SNRPF: variants seen among roughly 807,000 people sequenced by gnomAD.
SNRPF encodes the protein small nuclear ribonucleoprotein polypeptide F.
SNRPF carries 1 observed loss-of-function variant against 13.4 expected under a neutral mutation model. The ratio of observed to expected loss-of-function variants is 0.07; its 90% CI spans 0.03 to 0.35. The LOEUF is 0.35. Among genes scored for constraint, SNRPF ranks in the 10% least tolerant of loss-of-function variants. SNRPF has a pLI of 0.99. For synonymous variants in SNRPF, 27 were observed against 32.1 expected (o/e 0.84, Z 0.54); for missense variants, 53 against 101.0 (o/e 0.52, Z 2.04).
chr12:95,865,303 T>C, intron 2 of SNRPF, 21 bp from the exon 3 acceptor site: 1 of 1,244,808 alleles, frequency 8.0e-7, no homozygotes, highest in Non-Finnish European at 1.2e-6. Context: ...ATTATACTAA[T>C]ATATTTCTTT....
chr12:95,861,148 C>A lies in SNRPF; in HGVS notation c.4-20C>A. 2 of 1,590,618 alleles carry A rather than the reference C, an allele frequency of 1.3e-6. No individual in the cohort carries two copies. ...GGGAGGAAAAATAATTAATTAGATC[C>A]TTTTTTGTTCTTTGTGCAGAGTTTA... On this transcript the variant is annotated intron_variant, in intron 1 of 3. Transcript: ENST00000266735.
intron 2 of SNRPF, 77 bp from the exon 3 acceptor site, chr12:95,865,247 T>A (rs1287140898): frequency 4.5e-6 from 3 of 672,862 alleles, no homozygotes; most frequent in Non-Finnish European, 7.9e-6. Context: ...AGTTAATGAG[T>A]TCTCTCACCA....
intron 1 of SNRPF, among the ~76,000 whole-genome samples, chr12:95,859,443 T>C (rs2079483251): frequency 6.6e-6 from 1 of 152,180 alleles, no homozygotes; most frequent in African/African-American, 2.4e-5. Context: ...ATTAACTCAC[T>C]TGGGTGGGGA....
chr12:95,865,631 A>G (rs994173664), intron 3 of SNRPF, among the ~76,000 whole-genome samples: 23 of 152,284 alleles, frequency 1.5e-4, no homozygotes, highest in Middle Eastern at 3.4e-3. Context: ...GCTCTTAGCT[A>G]TAATCTTTTG....
At chr12:95,865,649 A>G (rs148170314) in intron 3 of SNRPF, among the ~76,000 whole-genome samples, 1 of 152,246 alleles carries the variant, frequency 6.6e-6, no homozygotes, top group Non-Finnish European at 1.5e-5. Context: ...TTGCAGTGGC[A>G]ACCTTTTGCA....
At position 95,861,222 on chromosome 12, in the gene SNRPF, A is replaced by G; in HGVS notation, c.58A>G (p.Met20Val). 1.9e-6 allele frequency: 3 copies of G among 1,612,602 alleles called. No individual in the cohort carries two copies. The highest frequency in any genetic ancestry group is 2.5e-6 in the Non-Finnish European group (3 of 1,179,060). Residue 20 changes from methionine to valine, a missense_variant, in exon 2 of 4, where the codon ATG (methionine) becomes GTG (valine). Transcript: ENST00000266735. ...CAATGGACTAACAGGAAAGCCAGTG[A>G]TGGTGAAACTTAAGTGGGGAATGGA... Reference protein sequence around the residue: ...FLNGLTGKPVMVKLKWGMEYK... With the variant: ...FLNGLTGKPVVVKLKWGMEYK...
At chr12:95,862,109 G>C (rs1565936946) in intron 2 of SNRPF, among the ~76,000 whole-genome samples, 1 of 152,176 alleles carries the variant, frequency 6.6e-6, no homozygotes, top group Non-Finnish European at 1.5e-5. Context: ...CCTCATGTAA[G>C]TGGAATTGTG....
chr12:95,860,433 C>T (rs1202388511), intron 1 of SNRPF, among the ~76,000 whole-genome samples: 1 of 152,154 alleles, frequency 6.6e-6, no homozygotes, highest in East Asian at 1.9e-4. Context: ...TTTCCTTTTT[C>T]CCCTGGATTG....
At position 95,865,445 on chromosome 12, in the gene SNRPF, T is replaced by G. The variant is rs1364580898; in HGVS notation, c.194+57T>G. 9 of 755,758 alleles carry G rather than the reference T, an allele frequency of 1.2e-5. No individual in the cohort carries two copies. The Admixed American group carries it at 1.9e-4, about 16-fold the overall frequency. 46.8% of individuals were successfully genotyped at this position (755,758 alleles called of 1,614,324 possible). A position where few individuals can be genotyped will look rare whatever the true frequency, so the allele number is the denominator to read the frequency against. ...TACTGGTGAGCATTAGGAATACCTG[T>G]TCTAAATATATTAGTGCCTCAATTT... On this transcript the variant is annotated intron_variant, in intron 3 of 3. Coordinates refer to ENST00000266735, the MANE Select transcript of SNRPF (RefSeq NM_003095.5).
chr12:95,864,306 A>G (rs1267885803), intron 2 of SNRPF, among the ~76,000 whole-genome samples: 1 of 152,096 alleles, frequency 6.6e-6, no homozygotes, highest in Non-Finnish European at 1.5e-5. Flanking sequence ...CCTCTCTCCC[A>G]TCACTCCTTA....
intron 3 of SNRPF, 92 bp from the exon 4 acceptor site, chr12:95,865,913 T>G (rs902874507): frequency 1.9e-6 from 1 of 525,954 alleles, no homozygotes; most frequent in Admixed American, 3.6e-5. Context: ...ATTATAAATA[T>G]AGTATTCAGT....
At chr12:95,859,547 A>G (rs1229070886) in intron 1 of SNRPF, among the ~76,000 whole-genome samples, 1 of 152,214 alleles carries the variant, frequency 6.6e-6, no homozygotes, top group Non-Finnish European at 1.5e-5. Flanking sequence ...TGCGCGTTAG[A>G]CATTAGAGGC....
At chr12:95,862,055 G>A (rs887745241) in intron 2 of SNRPF, among the ~76,000 whole-genome samples, 3 of 151,944 alleles carry the variant, frequency 2.0e-5, no homozygotes, top group Non-Finnish European at 4.4e-5. Context: ...CTAACCCCTG[G>A]TAACCACTAG....
At chr12:95,863,628 G>C (rs187009040) in intron 2 of SNRPF, among the ~76,000 whole-genome samples, 1 of 152,268 alleles carries the variant, frequency 6.6e-6, no homozygotes, top group East Asian at 1.9e-4. Context: ...ACAGTTTATG[G>C]TTTAGTGGTG....
Position 95,858,961 on chromosome 12 carries a change from G to A in SNRPF, c.-113G>A. 6.7e-7 allele frequency: 1 copy of A among 1,498,066 alleles called. No individual in the cohort carries two copies. Among genetic ancestry groups the A allele is most frequent in the Non-Finnish European group, 9.1e-7 (1 of 1,093,570 alleles). The allele number at this position is 1,498,066 out of a possible 1,614,324, so 92.8% of individuals were successfully genotyped here. On this transcript the variant is annotated 5_prime_UTR_variant, in exon 1 of 4. Coordinates refer to ENST00000266735, the MANE Select transcript of SNRPF (RefSeq NM_003095.5). The stretch of plus-strand genomic sequence containing the variant: ...GTGAAAGGTCATAGTCCTGTTTGGC[G>A]GCCATTTCTCTTGAAACTGCGGCTC...
rs916936757 is a variant in SNRPF at position 95,864,597 on chromosome 12, G to A, written c.130-727G>A. ...AGAACTTGTTTTTCCCTGTTTATTAGTACATAATTAAAAATTCTTATTCAG... is the reference window on the plus strand; with the variant it reads ...AGAACTTGTTTTTCCCTGTTTATTAATACATAATTAAAAATTCTTATTCAG... On this transcript the variant is annotated intron_variant, in intron 2 of 3. Coordinates refer to ENST00000266735, the MANE Select transcript of SNRPF (RefSeq NM_003095.5). Among the ~76,000 whole-genome samples, 9 of 152,242 alleles carry A rather than the reference G, an allele frequency of 5.9e-5. No homozygotes were observed. In the South Asian group the frequency reaches 1.7e-3, roughly 28 times the overall value.
In SNRPF at chr12:95,861,287, C is replaced by T. The variant is rs2079495370; in HGVS notation, c.123C>T (p.Asn41=). Residue 41 remains asparagine, a synonymous_variant, in exon 2 of 4, where the codon AAC becomes AAT. Coordinates refer to ENST00000266735, the MANE Select transcript of SNRPF (RefSeq NM_003095.5). ...GYLVSVDGYM[N]MQLANTEEYI... Reference sequence around the variant, plus strand: ...TGGTATCTGTAGATGGCTACATGAACATGCAGGTAAGCTAAAGAGCTGTAA... The same window carrying T: ...TGGTATCTGTAGATGGCTACATGAATATGCAGGTAAGCTAAAGAGCTGTAA... 5.0e-6 allele frequency: 8 copies of T among 1,610,340 alleles called. No individual in the cohort carries two copies. Among genetic ancestry groups the T allele is most frequent in the Non-Finnish European group, 6.8e-6 (8 of 1,177,946 alleles).
chr12:95,864,531 A>G, intron 2 of SNRPF, among the ~76,000 whole-genome samples: 1 of 152,252 alleles, frequency 6.6e-6, no homozygotes, highest in African/African-American at 2.4e-5. Context: ...GTTCACCAAA[A>G]TAGCTGTAAA....
intron 3 of SNRPF, 149 bp from the exon 4 acceptor site, chr12:95,865,856 T>G: frequency 2.8e-6 from 1 of 359,898 alleles, no homozygotes; most frequent in South Asian, 8.8e-5. Flanking sequence ...ATGTGAAACT[T>G]TTTTTTAAAA....
Sources: gnomAD v4.1 joint callset for allele counts (sites outside exome capture counted in the v4.1 genomes callset) on GRCh38, gnomAD v4.1.1 for gene constraint, MANE v1.5 for transcripts, NCBI Gene and HGNC (gene_info 2026-07-23, HGNC 2026-07-21) for gene names.